The following CHL1 variants were observed in gnomAD, a reference collection of about 807,000 sequenced individuals.
CHL1 encodes the protein neural cell adhesion molecule L1-like protein.
CHL1 carries 96 observed loss-of-function variants against 141.9 expected under a neutral mutation model. The observed-to-expected ratio is 0.68, with a 90% CI of 0.57 to 0.80. The LOEUF (loss-of-function observed/expected upper bound fraction) is 0.80, where lower values mean the gene tolerates loss of function less well. Among genes scored for constraint, CHL1 ranks in the 30% least tolerant of loss-of-function variants. The pLI is 0.00. For missense variants in CHL1, 1,820 were observed against 1,457.2 expected, an observed-to-expected ratio of 1.25 and a Z score of -4.05; for synonymous variants, 613 against 502.2, an observed-to-expected ratio of 1.22 and a Z score of -2.95.
At position 391,736 on chromosome 3, in the gene CHL1, T is replaced by C; in HGVS notation, c.2853T>C (p.Ser951=). Residue 951 remains serine, a synonymous_variant, in exon 23 of 28, where the codon TCT becomes TCC. Transcript: ENST00000256509. The stretch of plus-strand genomic sequence containing the variant: ...TTGATAAAGACACTGCCACTTTATC[T>C]TGGGGACTACCTAAGAAATTAAATG... ...IKVDKDTATL[S]WGLPKKLNGN... The C allele has an allele frequency of 6.2e-7, 1 of 1,603,824 alleles. No homozygotes were observed. The highest frequency in any genetic ancestry group is 8.5e-7 in the Non-Finnish European group (1 of 1,172,370).
chr3:277,045 C>G (rs1330745446), intron 2 of CHL1, among the ~76,000 whole-genome samples: 2 of 151,916 alleles, frequency 1.3e-5, no homozygotes, highest in Non-Finnish European at 2.9e-5. Flanking sequence ...ATGATTGTAC[C>G]TGCCTCATAG....
chr3:341,935 GAA>G lies in CHL1; in HGVS notation c.534_535del (p.Arg179SerfsTer22). On this transcript the variant is annotated frameshift_variant, in exon 7 of 28. Coordinates refer to ENST00000256509, the MANE Select transcript of CHL1 (RefSeq NM_006614.4). LOFTEE classifies it high-confidence loss of function. Reference sequence around the variant, plus strand: ...AGAATTAGAACACATCGAACAAGATGAAAGAGTATACATGAGCCAAAAGGGAG... The same window carrying G: ...AGAATTAGAACACATCGAACAAGATGAGAGTATACATGAGCCAAAAGGGAG... ...NIELEHIEQD[E>X]RVYMSQKGDL... 6.2e-7 allele frequency: 1 copy of G among 1,609,926 alleles called. No homozygotes were observed.
At chr3:348,785 T>A (rs1372812062) in intron 9 of CHL1, among the ~76,000 whole-genome samples, 12 of 152,190 alleles carry the variant, frequency 7.9e-5, no homozygotes. Flanking sequence ...GGAGGCAGTA[T>A]CTGTGCTGCA....
chr3:397,317 C>A (rs945878783), intron 24 of CHL1, among the ~76,000 whole-genome samples: 84 of 152,008 alleles, frequency 5.5e-4, no homozygotes, highest in African/African-American at 1.8e-3. Context: ...TTTAATAAAA[C>A]CTTTTTGTTA....
intron 2 of CHL1, among the ~76,000 whole-genome samples, chr3:294,526 C>G (rs1698005296): frequency 1.3e-5 from 2 of 152,282 alleles, no homozygotes; most frequent in South Asian, 4.1e-4. Context: ...ATACCAAGAT[C>G]CCTCACAATG....
At chr3:319,934 T>C (rs1377275114) in intron 3 of CHL1, 67 bp downstream of exon 3, 10 of 852,768 alleles carry the variant, frequency 1.2e-5, no homozygotes, top group African/African-American at 3.5e-5. Flanking sequence ...TTAAGTAGAA[T>C]ACTTATGGAT....
intron 2 of CHL1, chr3:309,409 TTC>T (rs1377064032): frequency 2.6e-5 from 4 of 151,728 alleles, no homozygotes; most frequent in African/African-American, 7.3e-5. Context: ...CTTCCTTGCT[TTC>T]TCTCTTTTCT....
At chr3:317,394 T>A (rs1194275501) in intron 2 of CHL1, among the ~76,000 whole-genome samples, 2 of 151,998 alleles carry the variant, frequency 1.3e-5, no homozygotes, top group African/African-American at 4.8e-5. Flanking sequence ...TTTGGCTATC[T>A]AGTTATTCTT....
chr3:223,858 G>A (rs1559294450), intron 1 of CHL1, among the ~76,000 whole-genome samples: 1 of 152,154 alleles, frequency 6.6e-6, no homozygotes. Flanking sequence ...GGTCAAAGCT[G>A]TCTTCTTACA....
intron 1 of CHL1, among the ~76,000 whole-genome samples, chr3:203,312 A>G (rs1166576541): frequency 1.3e-5 from 2 of 152,196 alleles, no homozygotes; most frequent in East Asian, 1.9e-4. Context: ...TAAAATTCAT[A>G]TTTCTGGCTT....
intron 2 of CHL1, among the ~76,000 whole-genome samples, chr3:300,885 A>T (rs544384436): frequency 5.3e-4 from 80 of 152,330 alleles, no homozygotes; most frequent in African/African-American, 1.9e-3. Flanking sequence ...AAAGGTGATG[A>T]AAGTAAAGGA....
intron 15 of CHL1, among the ~76,000 whole-genome samples, chr3:377,550 T>A (rs1345891377): frequency 6.6e-6 from 1 of 152,194 alleles, no homozygotes; most frequent in Non-Finnish European, 1.5e-5. Context: ...CAACATACAG[T>A]TCCATCACTG....
intron 23 of CHL1, among the ~76,000 whole-genome samples, chr3:394,381 T>A (rs1306181846): frequency 6.6e-6 from 1 of 152,148 alleles, no homozygotes; most frequent in African/African-American, 2.4e-5. Context: ...CTGGAGCAGC[T>A]GGCTCCAATA....
intron 2 of CHL1, among the ~76,000 whole-genome samples, chr3:310,010 C>T (rs1460268777): frequency 6.6e-6 from 1 of 151,944 alleles, no homozygotes; most frequent in East Asian, 1.9e-4. Flanking sequence ...CTGGAAGTGC[C>T]TCATTTCTTT....
At chr3:351,430 T>A (rs1298390012) in intron 10 of CHL1, among the ~76,000 whole-genome samples, 1 of 152,200 alleles carries the variant, frequency 6.6e-6, no homozygotes, top group Non-Finnish European at 1.5e-5. Context: ...AAAAACAAAT[T>A]GAGCTTAAGA....
intron 1 of CHL1, among the ~76,000 whole-genome samples, chr3:231,575 C>CTTTTTTTTTT (rs5845954): frequency 9.9e-6 from 1 of 100,558 alleles, no homozygotes; most frequent in Non-Finnish European, 2.1e-5. Flanking sequence ...TTATTTCTTC[C>CTTTTTTTTTT]TTTTTTTTTT....
intron 9 of CHL1, among the ~76,000 whole-genome samples, chr3:347,620 A>C (rs1702874469): frequency 6.6e-6 from 1 of 152,194 alleles, no homozygotes; most frequent in African/African-American, 2.4e-5. Context: ...TGCTCTAATA[A>C]AGGATGGACT....
At chr3:260,210 G>A (rs1163672589) in intron 2 of CHL1, among the ~76,000 whole-genome samples, 1 of 152,130 alleles carries the variant, frequency 6.6e-6, no homozygotes, top group Admixed American at 6.5e-5. Flanking sequence ...GTTGCAGTGA[G>A]TCGAGATGGT....
intron 2 of CHL1, among the ~76,000 whole-genome samples, chr3:270,290 A>T (rs1695527140): frequency 6.6e-6 from 1 of 152,210 alleles, no homozygotes. Flanking sequence ...ATTTCAGGCC[A>T]ATGAGGGTCT....
Sources: gnomAD v4.1 joint callset for allele counts (sites outside exome capture counted in the v4.1 genomes callset) on GRCh38, gnomAD v4.1.1 for gene constraint, MANE v1.5 for transcripts, NCBI Gene and HGNC (gene_info 2026-07-23, HGNC 2026-07-21) for gene names.